Variants in ZEB1 observed in about 807,000 individuals in gnomAD.
ZEB1 encodes the protein zinc finger E-box-binding homeobox 1.
Under a neutral mutation model 84.9 loss-of-function variants are expected in ZEB1, and 21 were observed. That is an observed-to-expected ratio of 0.25 (90% CI 0.18 to 0.36). The LOEUF is 0.36. ZEB1 is among the 10% of genes least tolerant of loss of function. The pLI, the probability that ZEB1 is intolerant of heterozygous loss-of-function variation, is 1.00. For missense variants in ZEB1, 1,104 were observed against 1,330.2 expected (o/e 0.83, Z 2.65); for synonymous variants, 420 against 471.1 (o/e 0.89, Z 1.41).
chr10:31,404,380 A>T lies in ZEB1; in HGVS notation c.59-56657A>T, dbSNP rs538753215. On this transcript the variant is annotated intron_variant, in intron 1 of 8. Coordinates refer to ENST00000424869, the MANE Select transcript of ZEB1 (RefSeq NM_001174096.2). Reference sequence around the variant, plus strand: ...CCTGTACGTAGCACTTGCCTATGCAAGTATTCATTTACTGAAAAAGTTACC... The same window carrying T: ...CCTGTACGTAGCACTTGCCTATGCATGTATTCATTTACTGAAAAAGTTACC... Among the ~76,000 whole-genome samples the T allele has an allele frequency of 1.4e-3, 213 of 152,260 alleles. 1 individual carries two copies. The highest frequency in any genetic ancestry group is 2.6e-3 in the Non-Finnish European group (174 of 67,990).
At chr10:31,438,376 G>C (rs1374528182) in intron 1 of ZEB1, among the ~76,000 whole-genome samples, 1 of 152,006 alleles carries the variant, frequency 6.6e-6, no homozygotes, top group East Asian at 1.9e-4. Flanking sequence ...AATAAAAATT[G>C]TTTTATTTCA....
chr10:31,475,115 A>G (rs2063910903), intron 2 of ZEB1, among the ~76,000 whole-genome samples: 1 of 152,106 alleles, frequency 6.6e-6, no homozygotes, highest in Non-Finnish European at 1.5e-5. Flanking sequence ...ATGCTAGATG[A>G]CGAGTTAGTG....
At chr10:31,428,505 C>T (rs2136197480) in intron 1 of ZEB1, among the ~76,000 whole-genome samples, 1 of 152,262 alleles carries the variant, frequency 6.6e-6, no homozygotes, top group Admixed American at 6.5e-5. Flanking sequence ...AGAGAAAGTG[C>T]CATGTGGCAA....
intron 1 of ZEB1, among the ~76,000 whole-genome samples, chr10:31,398,650 C>A (rs1199605181): frequency 6.6e-6 from 1 of 152,116 alleles, no homozygotes; most frequent in Non-Finnish European, 1.5e-5. Flanking sequence ...ATAACCCCTG[C>A]CATTTCACCA....
chr10:31,521,551 T>C lies in ZEB1; in HGVS notation c.2219T>C (p.Leu740Pro). The change falls in exon 7 of 9, where the codon CTA (leucine) becomes CCA (proline). Residue 740 changes from leucine (L) to proline (P), a missense_variant. Transcript: ENST00000424869. ...CAAGTAGAACCTCTTGATCTTTCAC[T>C]ACCAAAGCAACAGGGAGAATTATTA... ...EPQVEPLDLS[L>P]PKQQGELLER... 6.2e-7 allele frequency: 1 copy of C among 1,614,106 alleles called. No individual in the cohort carries two copies. Among genetic ancestry groups the C allele is most frequent in the Non-Finnish European group, 8.5e-7 (1 of 1,180,014 alleles).
Position 31,520,641 on chromosome 10 carries a change from C to A in ZEB1, c.1309C>A (p.Leu437Ile), listed in dbSNP as rs777431447. 1.1e-5 allele frequency: 17 copies of A among 1,613,926 alleles called. No individual in the cohort carries two copies. In the South Asian group the frequency reaches 1.9e-4, roughly 18 times the overall value. ...AGTGTTGGAGAATAATCAAGCCAAT[C>A]TTGCATCCAAAGAACAAGAAACAAT... Reference protein sequence around the residue: ...RQVLENNQANLASKEQETINA... With the variant: ...RQVLENNQANIASKEQETINA... Residue 437 changes from leucine to isoleucine, a missense_variant, in exon 7 of 9, where the codon CTT becomes ATT. Coordinates refer to ENST00000424869, the MANE Select transcript of ZEB1 (RefSeq NM_001174096.2). The surrounding 1 kb of genome is among the most constrained non-coding windows in gnomAD (Gnocchi z 5.1).
At chr10:31,430,565 G>A (rs1441415345) in intron 1 of ZEB1, among the ~76,000 whole-genome samples, 1 of 152,056 alleles carries the variant, frequency 6.6e-6, no homozygotes, top group African/African-American at 2.4e-5. Flanking sequence ...ATTTTGCCAT[G>A]TTAAAATGTA....
chr10:31,361,098 A>G (rs1470774082), intron 1 of ZEB1: 6 of 1,611,968 alleles, frequency 3.7e-6, no homozygotes, highest in Non-Finnish European at 5.1e-6. Context: ...AATTACAAGA[A>G]CGATCTGATC....
intron 1 of ZEB1, among the ~76,000 whole-genome samples, chr10:31,449,184 G>A (rs970752630): frequency 5.3e-5 from 8 of 152,314 alleles, no homozygotes; most frequent in East Asian, 1.9e-4. Context: ...TTCCAGGTGC[G>A]TCTGTCACCC....
At chr10:31,334,412 T>G (rs1236897579) in intron 1 of ZEB1, among the ~76,000 whole-genome samples, 1 of 152,072 alleles carries the variant, frequency 6.6e-6, no homozygotes, top group Non-Finnish European at 1.5e-5. Flanking sequence ...AAAGAAAAAC[T>G]TGTAATGATA....
intron 6 of ZEB1, among the ~76,000 whole-genome samples, chr10:31,514,978 A>G (rs767657642): frequency 6.6e-6 from 1 of 152,078 alleles, no homozygotes; most frequent in Non-Finnish European, 1.5e-5. Context: ...CTGAAAACAT[A>G]TTAGCTTTCT....
intron 1 of ZEB1, among the ~76,000 whole-genome samples, chr10:31,455,278 A>G (rs2061067393): frequency 6.6e-6 from 1 of 152,234 alleles, no homozygotes; most frequent in African/African-American, 2.4e-5. Context: ...CGGATCAAAG[A>G]CTGAAACGTA....
chr10:31,522,627 CA>C (rs1239242745), intron 7 of ZEB1, among the ~76,000 whole-genome samples: 1 of 152,176 alleles, frequency 6.6e-6, no homozygotes, highest in East Asian at 1.9e-4. Context: ...CCAAAATCCA[CA>C]ATAGTTTTGG....
In ZEB1 at chr10:31,444,659, G is replaced by A. The variant is rs370504932; in HGVS notation, c.59-16378G>A. Among the ~76,000 whole-genome samples the A allele has an allele frequency of 3.6e-4, 55 of 151,964 alleles. No homozygotes were observed. In the East Asian group the frequency reaches 4.1e-3, roughly 11 times the overall value. The stretch of plus-strand genomic sequence containing the variant: ...CTAGCCAGTTTTCCCAGCACCATTT[G>A]TTAAATAGGGAATCCTTTCCCCATT... On this transcript the variant is annotated intron_variant, in intron 1 of 8. Transcript: ENST00000424869.
intron 1 of ZEB1, among the ~76,000 whole-genome samples, chr10:31,349,978 A>T (rs941621382): frequency 1.3e-5 from 2 of 152,140 alleles, no homozygotes; most frequent in Admixed American, 6.5e-5. Context: ...GGTCATATTT[A>T]GAAAGTCATT....
At chr10:31,469,315 T>C (rs2062853321) in intron 2 of ZEB1, among the ~76,000 whole-genome samples, 1 of 152,050 alleles carries the variant, frequency 6.6e-6, no homozygotes, top group African/African-American at 2.4e-5. Flanking sequence ...TTCATCTCAC[T>C]AGGGAGTGCC....
At chr10:31,371,097 T>C (rs1337452857) in intron 1 of ZEB1, among the ~76,000 whole-genome samples, 2 of 152,222 alleles carry the variant, frequency 1.3e-5, no homozygotes, top group Non-Finnish European at 2.9e-5. Flanking sequence ...ATGATCATCG[T>C]CTGCTGGAAC....
intron 1 of ZEB1, among the ~76,000 whole-genome samples, chr10:31,362,332 C>T (rs1372932669): frequency 2.3e-5 from 3 of 132,010 alleles, no homozygotes; most frequent in Non-Finnish European, 4.9e-5. Context: ...GGGCGGTGGC[C>T]GAGCAGAGGC....
chr10:31,511,531 A>G (rs2070018518), intron 5 of ZEB1, among the ~76,000 whole-genome samples: 1 of 152,208 alleles, frequency 6.6e-6, no homozygotes, highest in Admixed American at 6.5e-5. Context: ...TTAAAGTCAA[A>G]AAAGCTTTTA....
Sources: allele counts gnomAD v4.1 joint callset (sites outside exome capture counted in the v4.1 genomes callset), GRCh38; gene constraint gnomAD v4.1.1; non-coding constraint Gnocchi (gnomAD v3.1); transcripts MANE v1.5; gene names NCBI Gene and HGNC (gene_info 2026-07-23, HGNC 2026-07-21).